The following ADARB1 variants were observed in gnomAD, a reference collection of about 807,000 sequenced individuals.
ADARB1 encodes the protein double-stranded RNA-specific editase 1.
ADARB1 carries 10 observed loss-of-function variants against 52.4 expected under a neutral mutation model. The observed-to-expected ratio is 0.19, with a 90% CI of 0.12 to 0.32. The LOEUF is 0.32. ADARB1 is among the 10% of genes least tolerant of loss of function. The probability of loss-of-function intolerance (pLI) is 1.00; values close to 1 mark genes in which losing one functional copy is unlikely to be tolerated. For synonymous variants in ADARB1, 349 were observed against 371.1 expected, an observed-to-expected ratio of 0.94 and a Z score of 0.68; for missense variants, 643 against 922.3, an observed-to-expected ratio of 0.70 and a Z score of 3.92.
rs570808522 is a variant in ADARB1, at chr21:45,166,168, A to G, written c.-47-5442A>G. Among the ~76,000 whole-genome samples, 15 of 152,322 alleles carry G rather than the reference A, an allele frequency of 9.8e-5. No individual in the cohort carries two copies. In the South Asian group the frequency reaches 3.1e-3, roughly 32 times the overall value. ...GGGGAGAAAAAGGGTAGGTATGCTCATTGTCCAAAGTTGATAAGAACATTA... is the reference window on the plus strand; with the variant it reads ...GGGGAGAAAAAGGGTAGGTATGCTCGTTGTCCAAAGTTGATAAGAACATTA... On this transcript the variant is annotated intron_variant, in intron 2 of 10. Coordinates refer to ENST00000348831, the MANE Select transcript of ADARB1 (RefSeq NM_001112.4).
intron 1 of ADARB1, among the ~76,000 whole-genome samples, chr21:45,097,800 C>A (rs896468851): frequency 2.0e-5 from 3 of 152,226 alleles, no homozygotes; most frequent in Middle Eastern, 3.4e-3. Flanking sequence ...ATTCCAGAGA[C>A]AAACCGCTGC....
At chr21:45,088,403 T>A (rs1305958475) in intron 1 of ADARB1, among the ~76,000 whole-genome samples, 2 of 152,124 alleles carry the variant, frequency 1.3e-5, no homozygotes, top group Non-Finnish European at 2.9e-5. Context: ...GCGGGTCAAT[T>A]TGAGCAAGGA....
At chr21:45,122,156 G>A (rs548734564) in intron 1 of ADARB1, among the ~76,000 whole-genome samples, 3 of 152,292 alleles carry the variant, frequency 2.0e-5, no homozygotes, top group South Asian at 2.1e-4. Context: ...CTGCACACGC[G>A]TGCATAGTCT....
intron 8 of ADARB1, among the ~76,000 whole-genome samples, chr21:45,186,748 A>G (rs948899092): frequency 6.6e-6 from 1 of 152,006 alleles, no homozygotes; most frequent in Admixed American, 6.5e-5. Flanking sequence ...TTTACAGTTG[A>G]TATTGTAATC....
chr21:45,149,594 A>G (rs1381666156), intron 2 of ADARB1, among the ~76,000 whole-genome samples: 1 of 152,206 alleles, frequency 6.6e-6, no homozygotes, highest in African/African-American at 2.4e-5. Context: ...AATATCAAAG[A>G]CCACTGAATT....
At chr21:45,203,744 A>G (rs2092610445) in intron 8 of ADARB1, among the ~76,000 whole-genome samples, 1 of 152,236 alleles carries the variant, frequency 6.6e-6, no homozygotes, top group Non-Finnish European at 1.5e-5. Context: ...TGCAGAGAAC[A>G]GGAAATAAGC....
In ADARB1 at chr21:45,204,049, C is replaced by T. The variant is rs1280022710; in HGVS notation, c.1566-506C>T. Among the ~76,000 whole-genome samples the T allele has an allele frequency of 6.6e-6, 1 of 152,186 alleles. No homozygotes were observed. Among genetic ancestry groups the T allele is most frequent in the Non-Finnish European group, 1.5e-5 (1 of 68,036 alleles). ...TATCACCAAGGCGACTGCTAATGGG[C>T]CAGCGGCATCTGCAACGTGGATGGT... is the stretch of plus-strand genomic sequence containing the variant. On this transcript the variant is annotated intron_variant, in intron 8 of 10. Transcript: ENST00000348831. This position sits in a 1 kb window ranked among gnomAD's most constrained non-coding sequence, Gnocchi z 4.4.
At chr21:45,215,790 G>A (rs1256253762) in intron 9 of ADARB1, among the ~76,000 whole-genome samples, 4 of 152,190 alleles carry the variant, frequency 2.6e-5, no homozygotes. Context: ...ATATTTGTCT[G>A]TAGGGATATT....
rs183499749 is a variant in ADARB1 at position 45,119,310 on chromosome 21, C to T, written c.-219-9092C>T. ...CTTGCCGTGTTGCCCAGACTGGTCTCGAACTCCTAGGCTCAAGCCATCCTC... is the reference window on the plus strand; with the variant it reads ...CTTGCCGTGTTGCCCAGACTGGTCTTGAACTCCTAGGCTCAAGCCATCCTC... On this transcript the variant is annotated intron_variant, in intron 1 of 10. Coordinates refer to ENST00000348831, the MANE Select transcript of ADARB1 (RefSeq NM_001112.4). Among the ~76,000 whole-genome samples, 483 of 152,262 alleles carry T rather than the reference C, an allele frequency of 3.2e-3. 5 individuals carry two copies. Among genetic ancestry groups the T allele is most frequent in the Middle Eastern group, 0.014 (4 of 294 alleles).
intron 1 of ADARB1, among the ~76,000 whole-genome samples, chr21:45,080,879 A>T (rs923371127): frequency 2.0e-5 from 3 of 152,204 alleles, no homozygotes; most frequent in Admixed American, 6.5e-5. Context: ...TGTTGCATGT[A>T]TATGTTTATG....
chr21:45,184,824 A>C, intron 7 of ADARB1, 99 bp from the exon 8 acceptor site: 1 of 1,286,624 alleles, frequency 7.8e-7, no homozygotes, highest in Non-Finnish European at 1.1e-6. Flanking sequence ...ATATGCACAG[A>C]CTGTATTTTA....
At chr21:45,174,021 A>G (rs2091589992) in intron 3 of ADARB1, among the ~76,000 whole-genome samples, 1 of 152,150 alleles carries the variant, frequency 6.6e-6, no homozygotes, top group African/African-American at 2.4e-5. Flanking sequence ...TTTAACCTCA[A>G]AGATTGGCAG....
At position 45,161,756 on chromosome 21, in the gene ADARB1, C is replaced by G. The variant is rs1176174720; in HGVS notation, c.-47-9854C>G. On this transcript the variant is annotated intron_variant, in intron 2 of 10. Transcript: ENST00000348831. ...GGGCCCAGGCTGTCAGTTCCACAGA[C>G]CGGAGTGAGAACTTACGGTGCTTTT... Among the ~76,000 whole-genome samples, 3 of 152,194 alleles carry G rather than the reference C, an allele frequency of 2.0e-5. No individual in the cohort carries two copies. The South Asian group carries it at 6.2e-4, about 31-fold the overall frequency.
At chr21:45,163,527 A>G (rs2091088169) in intron 2 of ADARB1, among the ~76,000 whole-genome samples, 2 of 152,152 alleles carry the variant, frequency 1.3e-5, no homozygotes, top group South Asian at 2.1e-4. Flanking sequence ...GGAGCCAGGA[A>G]TCTCCCCCCC....
In ADARB1 at chr21:45,176,859, G is replaced by C. The variant is rs1210987519; in HGVS notation, c.963+195G>C. ...CCACTGAGAAGCCGTCTGCATCCTA[G>C]TGCATGCTGGGTCTGTCGCAATGCA... On this transcript the variant is annotated intron_variant, in intron 4 of 10. Coordinates refer to ENST00000348831, the MANE Select transcript of ADARB1 (RefSeq NM_001112.4). The surrounding 1 kb of genome is among the most constrained non-coding windows in gnomAD (Gnocchi z 5.8). Among the ~76,000 whole-genome samples, 1 of 152,154 alleles carries C rather than the reference G, an allele frequency of 6.6e-6. No homozygotes were observed. Among genetic ancestry groups the C allele is most frequent in the African/African-American group, 2.4e-5 (1 of 41,428 alleles).
chr21:45,210,202 T>A (rs559504488), intron 9 of ADARB1, among the ~76,000 whole-genome samples: 1 of 152,326 alleles, frequency 6.6e-6, no homozygotes, highest in East Asian at 1.9e-4. Context: ...TCCTTTTGCA[T>A]ACTGAGAGAA....
intron 8 of ADARB1, among the ~76,000 whole-genome samples, chr21:45,196,681 ACACTTCAC>A (rs2092432687): frequency 6.6e-6 from 1 of 152,236 alleles, no homozygotes; most frequent in African/African-American, 2.4e-5. Flanking sequence ...GTTTGAATGG[ACACTTCAC>A]CAAAAAAAGA....
chr21:45,085,025 T>C lies in ADARB1; in HGVS notation c.-220+10232T>C, dbSNP rs187710388. Among the ~76,000 whole-genome samples, 218 of 152,300 alleles carry C rather than the reference T, an allele frequency of 1.4e-3. 5 individuals are homozygous for C. Among genetic ancestry groups the C allele is most frequent in the Non-Finnish European group, 4.0e-4 (27 of 68,016 alleles). ...TTCTGGAGTCAGACACAGTACCTGG[T>C]TACCCTGGGATCATGTGCAGTGAGC... On this transcript the variant is annotated intron_variant, in intron 1 of 10. Transcript: ENST00000348831.
chr21:45,079,552 GGAGGAC>G (rs1398981548), intron 1 of ADARB1, among the ~76,000 whole-genome samples: 10 of 152,162 alleles, frequency 6.6e-5, no homozygotes, highest in African/African-American at 2.4e-4. Context: ...GGCCAGATCT[GGAGGAC>G]GAGGGTTGGG....
Sources: allele counts gnomAD v4.1 joint callset (sites outside exome capture counted in the v4.1 genomes callset), GRCh38; gene constraint gnomAD v4.1.1; non-coding constraint Gnocchi (gnomAD v3.1); transcripts MANE v1.5; gene names NCBI Gene and HGNC (gene_info 2026-07-23, HGNC 2026-07-21).